Variants in DOCK10 observed in about 807,000 individuals in gnomAD.
The protein encoded by DOCK10 is dedicator of cytokinesis 10.
A neutral mutation model predicts 280.1 loss-of-function variants in DOCK10; 145 were observed. The ratio of observed to expected loss-of-function variants is 0.52; its 90% CI spans 0.45 to 0.59. The LOEUF is 0.59. Among genes scored for constraint, DOCK10 ranks in the 20% least tolerant of loss-of-function variants. DOCK10 has a pLI of 0.00. For missense variants in DOCK10, 2,368 were observed against 2,651.7 expected (o/e 0.89, Z 2.35); for synonymous variants, 915 against 942.2 (o/e 0.97, Z 0.53).
intron 38 of DOCK10, 112 bp from the exon 39 acceptor site, chr2:224,804,325 GAATT>G: frequency 1.7e-6 from 1 of 603,994 alleles, no homozygotes. Flanking sequence ...CACATGCTGT[GAATT>G]AATCAAAAAT....
intron 31 of DOCK10, among the ~76,000 whole-genome samples, chr2:224,809,441 T>C (rs1048990128): frequency 1.3e-5 from 2 of 152,168 alleles, no homozygotes; most frequent in African/African-American, 2.4e-5. Context: ...TTGCAAACCA[T>C]ATACCTGACA....
intron 55 of DOCK10, among the ~76,000 whole-genome samples, chr2:224,766,162 G>C (rs1001776945): frequency 1.3e-5 from 2 of 152,082 alleles, no homozygotes; most frequent in Non-Finnish European, 1.5e-5. Context: ...TATATTGTCA[G>C]CATCTGCCAA....
intron 55 of DOCK10, among the ~76,000 whole-genome samples, chr2:224,769,149 A>G (rs1690250908): frequency 6.6e-6 from 1 of 152,134 alleles, no homozygotes; most frequent in Non-Finnish European, 1.5e-5. Flanking sequence ...CACCCCTCAA[A>G]TAGCCTAAAC....
intron 1 of DOCK10, among the ~76,000 whole-genome samples, chr2:224,960,896 C>T (rs1362439291): frequency 3.3e-5 from 5 of 151,858 alleles, no homozygotes; most frequent in African/African-American, 4.8e-5. Context: ...CGCGCCACCG[C>T]GCCCGGCTAA....
intron 3 of DOCK10, among the ~76,000 whole-genome samples, chr2:224,900,739 G>C (rs187716455): frequency 6.6e-6 from 1 of 152,278 alleles, no homozygotes; most frequent in African/African-American, 2.4e-5. Context: ...TGTGTGAAGC[G>C]CCTAGCATAG....
chr2:224,985,888 G>C (rs1017096966), intron 1 of DOCK10, among the ~76,000 whole-genome samples: 2 of 152,132 alleles, frequency 1.3e-5, no homozygotes, highest in Non-Finnish European at 2.9e-5. Flanking sequence ...TTTTACAATG[G>C]GCAAGGAAAT....
intron 1 of DOCK10, among the ~76,000 whole-genome samples, chr2:224,952,846 C>T (rs1703835751): frequency 6.6e-6 from 1 of 152,146 alleles, no homozygotes; most frequent in African/African-American, 2.4e-5. Context: ...CCCGCCTCGG[C>T]CTCCCAAAGT....
chr2:224,849,267 C>T (rs1009129753), intron 19 of DOCK10, among the ~76,000 whole-genome samples: 1 of 152,236 alleles, frequency 6.6e-6, no homozygotes, highest in Non-Finnish European at 1.5e-5. Context: ...AGCCACTATA[C>T]CCGGCCAGCA....
At chr2:224,812,742 A>G (rs1574863692) in intron 31 of DOCK10, among the ~76,000 whole-genome samples, 1 of 152,240 alleles carries the variant, frequency 6.6e-6, no homozygotes, top group East Asian at 1.9e-4. Context: ...CTCTTGAGAT[A>G]ATCATGTGGT....
At chr2:225,031,803 CAGGATA>C (rs1421480387) in intron 1 of DOCK10, among the ~76,000 whole-genome samples, 3 of 152,164 alleles carry the variant, frequency 2.0e-5, no homozygotes, top group Non-Finnish European at 4.4e-5. Flanking sequence ...CCCTTCTCTT[CAGGATA>C]AGAAAGAAGG....
rs113265459 is a variant in DOCK10 at position 224,795,011 on chromosome 2, G to A, written c.5022C>T (p.His1674=). The A allele has an allele frequency of 0.018, 28,884 of 1,613,770 alleles. 302 individuals are homozygous for A. The highest frequency in any genetic ancestry group is 0.039 in the African/African-American group (2,896 of 74,974). ...VLMATAQMKE[H]EKDPEMLVDL... ...CCACCAGCATCTCGGGGTCCTTCTC[G>A]TGCTCCTTCATCTGAGCTGTGGCCA... Residue 1674 remains histidine, a synonymous_variant, in exon 45 of 56, where the codon CAC becomes CAT. Transcript: ENST00000258390.
intron 3 of DOCK10, among the ~76,000 whole-genome samples, chr2:224,906,626 C>T (rs2125886834): frequency 6.6e-6 from 1 of 152,244 alleles, no homozygotes; most frequent in Non-Finnish European, 1.5e-5. Context: ...CTACAGGCAC[C>T]TGCCACCATG....
chr2:224,958,797 G>A (rs1704199458), intron 1 of DOCK10, among the ~76,000 whole-genome samples: 1 of 152,172 alleles, frequency 6.6e-6, no homozygotes, highest in South Asian at 2.1e-4. Flanking sequence ...CTGGCATGTG[G>A]CAAATACCAA....
intron 19 of DOCK10, among the ~76,000 whole-genome samples, chr2:224,847,557 A>C (rs974100655): frequency 2.0e-5 from 3 of 152,238 alleles, no homozygotes; most frequent in Non-Finnish European, 4.4e-5. Flanking sequence ...AACAGTAAGA[A>C]TATTAATTTT....
intron 3 of DOCK10, among the ~76,000 whole-genome samples, chr2:224,897,990 A>G (rs901260860): frequency 6.6e-6 from 1 of 152,156 alleles, no homozygotes; most frequent in Non-Finnish European, 1.5e-5. Context: ...CTTTAGCATT[A>G]GGGGGAAAAT....
intron 30 of DOCK10, among the ~76,000 whole-genome samples, chr2:224,814,759 T>A (rs1000625352): frequency 6.6e-6 from 1 of 152,164 alleles, no homozygotes; most frequent in Non-Finnish European, 1.5e-5. Flanking sequence ...TGACCTCAGG[T>A]GATCTGCCTG....
At chr2:225,031,666 T>C (rs1690081460) in intron 1 of DOCK10, among the ~76,000 whole-genome samples, 1 of 152,192 alleles carries the variant, frequency 6.6e-6, no homozygotes, top group Non-Finnish European at 1.5e-5. Context: ...TTCAAACTTC[T>C]GCTCATGTAT....
chr2:224,981,478 A>T (rs1002030798), intron 1 of DOCK10, among the ~76,000 whole-genome samples: 1 of 152,196 alleles, frequency 6.6e-6, no homozygotes, highest in African/African-American at 2.4e-5. Context: ...ACTTTACCAT[A>T]CCATCTATTC....
intron 1 of DOCK10, among the ~76,000 whole-genome samples, chr2:224,956,625 GAAAAAAAAAA>G (rs3083983): frequency 1.3e-5 from 1 of 78,652 alleles, no homozygotes; most frequent in Non-Finnish European, 2.3e-5. Flanking sequence ...CGCTACCTCA[GAAAAAAAAAA>G]AAAAAAAAAA....
Sources: gnomAD v4.1 joint callset for allele counts (sites outside exome capture counted in the v4.1 genomes callset) on GRCh38, gnomAD v4.1.1 for gene constraint, MANE v1.5 for transcripts, NCBI Gene and HGNC (gene_info 2026-07-23, HGNC 2026-07-21) for gene names.